MTUS2: variants seen among roughly 807,000 people sequenced by gnomAD.
The protein encoded by MTUS2 is microtubule-associated tumor suppressor candidate 2.
MTUS2 carries 40 observed loss-of-function variants against 114.1 expected under a neutral mutation model. The observed-to-expected ratio is 0.35, with a 90% CI of 0.27 to 0.46. The LOEUF (loss-of-function observed/expected upper bound fraction) is 0.46. MTUS2 is among the 20% of genes least tolerant of loss of function. MTUS2 has a pLI of 1.00. For missense variants in MTUS2, 1,679 were observed against 1,705.4 expected, an observed-to-expected ratio of 0.98 and a Z score of 0.27; for synonymous variants, 688 against 672.0, an observed-to-expected ratio of 1.02 and a Z score of -0.37.
intron 9 of MTUS2, among the ~76,000 whole-genome samples, chr13:29,476,240 T>A (rs1360369461): frequency 6.6e-6 from 1 of 152,190 alleles, no homozygotes; most frequent in Non-Finnish European, 1.5e-5. Flanking sequence ...GTTTGCACAA[T>A]GATGAAATTT....
At position 29,348,488 on chromosome 13, in the gene MTUS2, T is replaced by G. The variant is rs548446249; in HGVS notation, c.2906-10774T>G. ...TTGTTTTAAGACTCACAGCAAAGTC[T>G]GTCTTGGTAAACATTTCATGCATAC... is the stretch of plus-strand genomic sequence containing the variant. On this transcript the variant is annotated intron_variant, in intron 7 of 15. Transcript: ENST00000612955. Among the ~76,000 whole-genome samples the G allele has an allele frequency of 4.6e-5, 7 of 152,314 alleles. No homozygotes were observed. In the South Asian group the frequency reaches 1.5e-3, roughly 32 times the overall value.
chr13:28,979,258 A>G (rs1884252334), intron 2 of MTUS2, among the ~76,000 whole-genome samples: 1 of 152,162 alleles, frequency 6.6e-6, no homozygotes, highest in South Asian at 2.1e-4. Flanking sequence ...TCCATGGCCA[A>G]ATTGTTATTG....
At chr13:29,293,469 C>T (rs1039895567) in intron 6 of MTUS2, among the ~76,000 whole-genome samples, 2 of 152,096 alleles carry the variant, frequency 1.3e-5, no homozygotes, top group Non-Finnish European at 2.9e-5. Flanking sequence ...GAATGTGGTA[C>T]ACAAACACTC....
chr13:28,950,533 A>G (rs578230276), intron 2 of MTUS2, among the ~76,000 whole-genome samples: 1 of 152,278 alleles, frequency 6.6e-6, no homozygotes, highest in South Asian at 2.1e-4. Context: ...GTGTCATGAA[A>G]CTTTTCTGTT....
At chr13:28,937,344 G>A (rs1214576840) in intron 2 of MTUS2, among the ~76,000 whole-genome samples, 1 of 151,514 alleles carries the variant, frequency 6.6e-6, no homozygotes, top group African/African-American at 2.4e-5. Flanking sequence ...GGACCAATCA[G>A]TGCTCTGTAA....
intron 4 of MTUS2, among the ~76,000 whole-genome samples, chr13:29,069,042 A>G (rs1888791313): frequency 6.6e-6 from 1 of 152,204 alleles, no homozygotes; most frequent in Non-Finnish European, 1.5e-5. Context: ...ACCAGAAAGG[A>G]CAGCCCAACT....
At chr13:29,367,942 C>CTTTT (rs545792343) in intron 8 of MTUS2, among the ~76,000 whole-genome samples, 1 of 134,586 alleles carries the variant, frequency 7.4e-6, no homozygotes, top group Non-Finnish European at 1.5e-5. Flanking sequence ...GAATCTACTT[C>CTTTT]TTTTTTTTTT....
chr13:28,866,748 G>T (rs1019628901), intron 2 of MTUS2, among the ~76,000 whole-genome samples: 1 of 151,962 alleles, frequency 6.6e-6, no homozygotes, highest in South Asian at 2.1e-4. Flanking sequence ...CTTTATTTTT[G>T]GTTGAGTACT....
At position 28,975,008 on chromosome 13, in the gene MTUS2, C is replaced by T. The variant is rs541159649; in HGVS notation, c.-242-49449C>T. Among the ~76,000 whole-genome samples, 119 of 152,206 alleles carry T rather than the reference C, an allele frequency of 7.8e-4. 1 individual carries two copies. Among genetic ancestry groups the T allele is most frequent in the South Asian group, 7.1e-3 (34 of 4,806 alleles). ...TTCTTCCTAGGGGAAATGTAAGGATCGAGTGATAATCCTTCAGTTATAAAA... is the reference window on the plus strand; with the variant it reads ...TTCTTCCTAGGGGAAATGTAAGGATTGAGTGATAATCCTTCAGTTATAAAA... On this transcript the variant is annotated intron_variant, in intron 2 of 15. Coordinates refer to ENST00000612955, the MANE Select transcript of MTUS2 (RefSeq NM_001033602.4).
At chr13:28,963,176 C>G (rs1593337924) in intron 2 of MTUS2, among the ~76,000 whole-genome samples, 1 of 152,018 alleles carries the variant, frequency 6.6e-6, no homozygotes, top group African/African-American at 2.4e-5. Context: ...ACGGTGAAAC[C>G]CCATCTCTAC....
intron 9 of MTUS2, among the ~76,000 whole-genome samples, chr13:29,457,003 G>A (rs1284159907): frequency 6.6e-6 from 1 of 151,664 alleles, no homozygotes; most frequent in Non-Finnish European, 1.5e-5. Flanking sequence ...AAATTAGCCA[G>A]GCATGGTGGC....
At chr13:28,834,722 AAAGAG>A (rs1197840982) in intron 1 of MTUS2, among the ~76,000 whole-genome samples, 5 of 152,204 alleles carry the variant, frequency 3.3e-5, no homozygotes, top group East Asian at 1.9e-4. Context: ...TATCATCAAG[AAAGAG>A]AAAAGACAAC....
chr13:28,861,225 G>A lies in MTUS2; in HGVS notation c.-243+21375G>A, dbSNP rs555183937. Among the ~76,000 whole-genome samples, 38 of 152,300 alleles carry A rather than the reference G, an allele frequency of 2.5e-4. No individual in the cohort carries two copies. In the South Asian group the frequency reaches 6.6e-3, roughly 27 times the overall value. ...AGAATGTAATACTTTTAAAATGTTC[G>A]TGTGAGAGTATATAGATTAATTGTC... On this transcript the variant is annotated intron_variant, in intron 2 of 15. Coordinates refer to ENST00000612955, the MANE Select transcript of MTUS2 (RefSeq NM_001033602.4).
At chr13:29,297,596 G>A (rs1003864477) in intron 6 of MTUS2, among the ~76,000 whole-genome samples, 1 of 152,182 alleles carries the variant, frequency 6.6e-6, no homozygotes, top group Non-Finnish European at 1.5e-5. Context: ...AAGTTACCTT[G>A]ATTGAAAAAT....
intron 2 of MTUS2, among the ~76,000 whole-genome samples, chr13:28,855,277 T>G (rs1876550751): frequency 6.6e-6 from 1 of 152,158 alleles, no homozygotes; most frequent in Non-Finnish European, 1.5e-5. Context: ...AATTAAATTT[T>G]AAGTTCCAGG....
intron 3 of MTUS2, among the ~76,000 whole-genome samples, chr13:29,030,463 G>C (rs944833805): frequency 1.3e-5 from 2 of 152,186 alleles, no homozygotes; most frequent in African/African-American, 4.8e-5. Context: ...TTCTCAGGTT[G>C]CGCTGGGCTC....
chr13:28,863,460 G>A (rs1234856386), intron 2 of MTUS2, among the ~76,000 whole-genome samples: 1 of 152,144 alleles, frequency 6.6e-6, no homozygotes, highest in African/African-American at 2.4e-5. Context: ...ATAGCCCGAG[G>A]CTGAGGAATT....
At chr13:29,401,591 A>T (rs953294304) in intron 8 of MTUS2, among the ~76,000 whole-genome samples, 10 of 152,158 alleles carry the variant, frequency 6.6e-5, no homozygotes, top group African/African-American at 2.4e-4. Context: ...TCTCAACACC[A>T]CTGATTGAAT....
chr13:29,213,391 T>G (rs1408124619), intron 5 of MTUS2, among the ~76,000 whole-genome samples: 4 of 152,226 alleles, frequency 2.6e-5, no homozygotes, highest in Non-Finnish European at 5.9e-5. Context: ...TTCTATACCC[T>G]TACTGATTTT....
Sources: allele counts gnomAD v4.1 joint callset (sites outside exome capture counted in the v4.1 genomes callset), GRCh38; gene constraint gnomAD v4.1.1; transcripts MANE v1.5; gene names NCBI Gene and HGNC (gene_info 2026-07-23, HGNC 2026-07-21).